Variants in PDS5B observed in about 807,000 individuals in gnomAD.
The protein encoded by PDS5B is PDS5 cohesin associated factor B.
Under a neutral mutation model 184.1 loss-of-function variants are expected in PDS5B, and 51 were observed. The observed-to-expected ratio is 0.28, with a 90% CI of 0.22 to 0.35. PDS5B has a LOEUF of 0.35. PDS5B is among the 10% of genes least tolerant of loss of function. The pLI is 1.00. For missense variants in PDS5B, 1,180 were observed against 1,723.3 expected, an observed-to-expected ratio of 0.68 and a Z score of 5.58; for synonymous variants, 566 against 569.2, an observed-to-expected ratio of 0.99 and a Z score of 0.08.
intron 7 of PDS5B, among the ~76,000 whole-genome samples, chr13:32,668,512 A>G (rs886138531): frequency 2.6e-5 from 4 of 152,092 alleles, no homozygotes; most frequent in Non-Finnish European, 5.9e-5. Context: ...TTCTCTCCAC[A>G]GTTCTTTTGA....
intron 21 of PDS5B, among the ~76,000 whole-genome samples, chr13:32,736,353 A>T (rs947594358): frequency 6.6e-6 from 1 of 151,754 alleles, no homozygotes. Flanking sequence ...GTCTGGAAAG[A>T]TCTTTATTTT....
At chr13:32,735,424 TC>T in intron 21 of PDS5B, 94 bp downstream of exon 21, 1 of 809,642 alleles carries the variant, frequency 1.2e-6, no homozygotes, top group Non-Finnish European at 1.9e-6. Flanking sequence ...CAATAATACT[TC>T]CATTTGACTG....
chr13:32,774,976 A>C, intron 34 of PDS5B, 41 bp from the exon 35 acceptor site: 1 of 1,565,106 alleles, frequency 6.4e-7, no homozygotes, highest in South Asian at 1.1e-5. Context: ...TTATGCACAT[A>C]TACCCATTTT....
chr13:32,683,054 C>T (rs1373776029), intron 10 of PDS5B, among the ~76,000 whole-genome samples: 1 of 152,020 alleles, frequency 6.6e-6, no homozygotes, highest in Non-Finnish European at 1.5e-5. Context: ...GCCCTGTCAC[C>T]CAGACTGGAG....
intron 31 of PDS5B, among the ~76,000 whole-genome samples, chr13:32,769,524 G>T (rs1040562838): frequency 6.6e-6 from 1 of 152,102 alleles, no homozygotes; most frequent in Non-Finnish European, 1.5e-5. Flanking sequence ...AAAGCCACTG[G>T]TTTTTTGTTG....
chr13:32,592,035 A>G (rs1166911085), intron 1 of PDS5B, among the ~76,000 whole-genome samples: 1 of 152,190 alleles, frequency 6.6e-6, no homozygotes, highest in Non-Finnish European at 1.5e-5. Context: ...AGCGACACAC[A>G]GGAAGGGAGA....
At chr13:32,616,962 T>TC (rs1312698845) in intron 1 of PDS5B, among the ~76,000 whole-genome samples, 1 of 152,234 alleles carries the variant, frequency 6.6e-6, no homozygotes, top group Non-Finnish European at 1.5e-5. Flanking sequence ...ATTTAGATGA[T>TC]CCTGTGCATT....
chr13:32,611,683 AT>A (rs2058144699), intron 1 of PDS5B, among the ~76,000 whole-genome samples: 1 of 151,040 alleles, frequency 6.6e-6, no homozygotes, highest in South Asian at 2.1e-4. Context: ...AAGTTTTTGT[AT>A]TTTTTGTAGA....
chr13:32,597,575 G>A (rs1283066041), intron 1 of PDS5B, among the ~76,000 whole-genome samples: 1 of 150,448 alleles, frequency 6.6e-6, no homozygotes, highest in Non-Finnish European at 1.5e-5. Flanking sequence ...CCTGTAATCC[G>A]AGCACTTTGG....
At chr13:32,757,287 A>G (rs1313628726) in intron 26 of PDS5B, among the ~76,000 whole-genome samples, 1 of 152,212 alleles carries the variant, frequency 6.6e-6, no homozygotes, top group Non-Finnish European at 1.5e-5. Flanking sequence ...TTATATTTCT[A>G]AGTAGCCCCA....
In PDS5B at chr13:32,696,834, T is replaced by C. The variant is rs1381573709; in HGVS notation, c.1552-20T>C. The C allele has an allele frequency of 6.5e-7, 1 of 1,538,258 alleles. No individual in the cohort carries two copies. The highest frequency in any genetic ancestry group is 2.3e-5 in the East Asian group (1 of 44,186). On this transcript the variant is annotated intron_variant, in intron 14 of 34. Transcript: ENST00000315596. Reference sequence around the variant, plus strand: ...CTTGTTAGGGAATTTTAATTTTGCATTTTTTTGTGTGATTTACAGACAGAT... The same window carrying C: ...CTTGTTAGGGAATTTTAATTTTGCACTTTTTTGTGTGATTTACAGACAGAT...
chr13:32,735,478 C>T, intron 21 of PDS5B, 148 bp downstream of exon 21: 3 of 590,530 alleles, frequency 5.1e-6, no homozygotes, highest in Non-Finnish European at 8.6e-6. Flanking sequence ...TAAGCCTTGT[C>T]TCCATTATAA....
At chr13:32,689,162 T>A (rs1321974537) in intron 13 of PDS5B, 4 of 152,522 alleles carry the variant, frequency 2.6e-5, no homozygotes, top group African/African-American at 9.7e-5. Flanking sequence ...GAAATTGAAG[T>A]CTTAGAGATT....
intron 1 of PDS5B, among the ~76,000 whole-genome samples, chr13:32,642,499 G>A (rs1238532356): frequency 6.6e-6 from 1 of 152,096 alleles, no homozygotes; most frequent in African/African-American, 2.4e-5. Flanking sequence ...GTTAAAATGA[G>A]ACTTTAAGGT....
chr13:32,713,828 C>T lies in PDS5B; in HGVS notation c.2123+3722C>T, dbSNP rs538615527. 1.1e-4 allele frequency among the ~76,000 whole-genome samples: 16 copies of T among 152,190 alleles called. No individual in the cohort carries two copies. In the East Asian group the frequency reaches 2.9e-3, roughly 27 times the overall value. On this transcript the variant is annotated intron_variant, in intron 19 of 34. Transcript: ENST00000315596. ...CTCATTTTTGGAAAATATACTGGTG[C>T]AGTTTGCTAAATTTTCAGGGATTGC... is the stretch of plus-strand genomic sequence containing the variant.
chr13:32,588,035 C>G (rs1418625321), intron 1 of PDS5B, among the ~76,000 whole-genome samples: 1 of 152,176 alleles, frequency 6.6e-6, no homozygotes, highest in Non-Finnish European at 1.5e-5. Context: ...CCCGAGTTCC[C>G]AGACAGAACG....
chr13:32,744,957 G>C (rs564735909), intron 23 of PDS5B, among the ~76,000 whole-genome samples: 2 of 152,190 alleles, frequency 1.3e-5, no homozygotes, highest in East Asian at 1.9e-4. Context: ...AGCTACAAAG[G>C]GGTTCTATTT....
At chr13:32,676,187 A>G (rs1160265051) in intron 9 of PDS5B, among the ~76,000 whole-genome samples, 3 of 152,164 alleles carry the variant, frequency 2.0e-5, no homozygotes, top group Non-Finnish European at 4.4e-5. Context: ...GCTATCTCTT[A>G]TGGTATTATG....
At chr13:32,692,383 T>C (rs1951574710) in intron 13 of PDS5B, among the ~76,000 whole-genome samples, 1 of 147,734 alleles carries the variant, frequency 6.8e-6, no homozygotes, top group Admixed American at 6.8e-5. Context: ...TGTGATCTTC[T>C]CTTTTATTAA....
Sources: gnomAD v4.1 joint callset for allele counts (sites outside exome capture counted in the v4.1 genomes callset) on GRCh38, gnomAD v4.1.1 for gene constraint, MANE v1.5 for transcripts, NCBI Gene and HGNC (gene_info 2026-07-23, HGNC 2026-07-21) for gene names.